MGAT4C: variants seen among roughly 807,000 people sequenced by gnomAD.
MGAT4C encodes the protein MGAT4 family member C.
Under a neutral mutation model 40.1 loss-of-function variants are expected in MGAT4C, and 19 were observed. That is an observed-to-expected ratio of 0.47 (90% CI 0.33 to 0.70). The LOEUF is 0.70. Among genes scored for constraint, MGAT4C ranks in the 30% least tolerant of loss-of-function variants. The pLI, the probability that MGAT4C is intolerant of heterozygous loss-of-function variation, is 0.02. For synonymous variants in MGAT4C, 181 were observed against 187.1 expected (o/e 0.97, Z 0.27); for missense variants, 491 against 563.2 (o/e 0.87, Z 1.30).
chr12:86,504,648 T>C (rs1401908060), intron 2 of MGAT4C, among the ~76,000 whole-genome samples: 1 of 152,178 alleles, frequency 6.6e-6, no homozygotes, highest in Non-Finnish European at 1.5e-5. Context: ...CAGCAAGGTA[T>C]GTTAGTTAAT....
At chr12:86,756,667 T>C (rs1350511536) in intron 1 of MGAT4C, among the ~76,000 whole-genome samples, 1 of 152,174 alleles carries the variant, frequency 6.6e-6, no homozygotes, top group Non-Finnish European at 1.5e-5. Context: ...TAATAACAGA[T>C]ACAAGAACTA....
At chr12:86,227,976 C>CT in intron 1 of MGAT4C, among the ~76,000 whole-genome samples, 1 of 151,786 alleles carries the variant, frequency 6.6e-6, no homozygotes, top group East Asian at 1.9e-4. Context: ...TCATGTACCT[C>CT]TTTTTTCAAG....
intron 1 of MGAT4C, among the ~76,000 whole-genome samples, chr12:86,795,952 G>A (rs1376719044): frequency 6.6e-6 from 1 of 151,968 alleles, no homozygotes; most frequent in African/African-American, 2.4e-5. Flanking sequence ...ATTAGAAAGA[G>A]AGCAACGTAA....
intron 2 of MGAT4C, among the ~76,000 whole-genome samples, chr12:85,996,648 T>C (rs1565833174): frequency 6.6e-6 from 1 of 152,134 alleles, no homozygotes; most frequent in Non-Finnish European, 1.5e-5. Flanking sequence ...GGTATATTAA[T>C]ATAATACAAA....
intron 2 of MGAT4C, among the ~76,000 whole-genome samples, chr12:86,678,317 C>T (rs77567143): frequency 0.011 from 1,602 of 152,146 alleles, 16 homozygotes; most frequent in East Asian, 0.038. Context: ...CATGTGATGG[C>T]TCAGTAGGCC....
rs558206459 is a variant in MGAT4C at position 86,517,616 on chromosome 12, TTTTA to T, written c.-228-82355_-228-82352del. 5.2e-3 allele frequency among the ~76,000 whole-genome samples: 787 copies of T among 151,886 alleles called. 4 individuals carry two copies. The highest frequency in any genetic ancestry group is 8.4e-3 in the Non-Finnish European group (571 of 67,922). On this transcript the variant is annotated intron_variant, in intron 2 of 7. Transcript: ENST00000548651. ...GTTTTGAGAGCAGAGCAAAGTGACT[TTTTA>T]TTTATTTATTTGTTTGTTTGTTTGT...
intron 1 of MGAT4C, among the ~76,000 whole-genome samples, chr12:86,241,953 G>C (rs918369018): frequency 2.0e-5 from 3 of 151,992 alleles, no homozygotes; most frequent in Admixed American, 6.6e-5. Context: ...GACTAGGGGA[G>C]GGGGGGAAAT....
In MGAT4C at chr12:86,107,560, T is replaced by C. The variant is rs373003572; in HGVS notation, c.-56-57837A>G. Among the ~76,000 whole-genome samples, 21 of 152,300 alleles carry C rather than the reference T, an allele frequency of 1.4e-4. No individual in the cohort carries two copies. The East Asian group carries it at 1.9e-3, about 14-fold the overall frequency. On this transcript the variant is annotated intron_variant, in intron 1 of 4. Transcript: ENST00000611864. ...ACAGTTGAAACAAAAGATGTCAATA[T>C]AAAAAGTTTTTTCTTAGGCTTTGTA...
At chr12:86,493,638 G>A (rs1304510318) in intron 2 of MGAT4C, among the ~76,000 whole-genome samples, 1 of 151,102 alleles carries the variant, frequency 6.6e-6, no homozygotes, top group Non-Finnish European at 1.5e-5. Context: ...CACACTCTGG[G>A]GACTGTCGTG....
intron 2 of MGAT4C, among the ~76,000 whole-genome samples, chr12:86,634,515 G>C (rs943975932): frequency 1.3e-5 from 2 of 152,080 alleles, no homozygotes; most frequent in Non-Finnish European, 2.9e-5. Context: ...GTTTCACAAG[G>C]CAATTGTTTT....
rs796290962 is a variant in MGAT4C, at chr12:86,110,281, C to CTA, written c.-56-60560_-56-60559dup. Among the ~76,000 whole-genome samples, 62 of 17,090 alleles carry CTA rather than the reference C, an allele frequency of 3.6e-3. 3 individuals carry two copies. The East Asian group carries it at 0.064, about 18-fold the overall frequency. 11.2% of individuals were successfully genotyped at this position (17,090 alleles called of 152,430 possible). A position where few individuals can be genotyped will look rare whatever the true frequency, so the allele number is the denominator to read the frequency against. ...TATATATATAGACTATATATATAGT[C>CTA]TATATATATATAGTCTCTCTATATA... On this transcript the variant is annotated intron_variant, in intron 1 of 4. Transcript: ENST00000611864.
chr12:86,506,487 T>A (rs1384843498), intron 2 of MGAT4C, among the ~76,000 whole-genome samples: 1 of 152,182 alleles, frequency 6.6e-6, no homozygotes, highest in East Asian at 1.9e-4. Flanking sequence ...ATTGAATGAT[T>A]TAAAATTTAC....
At chr12:86,784,722 CAA>C (rs1430866770) in intron 1 of MGAT4C, among the ~76,000 whole-genome samples, 2 of 150,760 alleles carry the variant, frequency 1.3e-5, no homozygotes, top group African/African-American at 4.9e-5. Context: ...CTGAAGGAAG[CAA>C]AGACTGATCA....
In MGAT4C at chr12:86,289,954, C is replaced by T. The variant is rs140272242; in HGVS notation, c.-57+44111G>A. Among the ~76,000 whole-genome samples the T allele has an allele frequency of 4.6e-5, 7 of 152,256 alleles. No homozygotes were observed. In the East Asian group the frequency reaches 1.3e-3, roughly 29 times the overall value. ...CACCCATAACCACTCTGTAGGTTAG[C>T]ATCCATGCTTTCTTTTTTCCTTAAA... On this transcript the variant is annotated intron_variant, in intron 4 of 7. Coordinates refer to the MGAT4C transcript ENST00000548651.
At chr12:86,078,169 G>T (rs1026936253) in intron 1 of MGAT4C, among the ~76,000 whole-genome samples, 6 of 152,074 alleles carry the variant, frequency 3.9e-5, no homozygotes, top group Non-Finnish European at 5.9e-5. Flanking sequence ...ATTATATATT[G>T]GATGCTGATT....
At chr12:86,328,680 C>G (rs911354172) in intron 4 of MGAT4C, among the ~76,000 whole-genome samples, 8 of 152,006 alleles carry the variant, frequency 5.3e-5, no homozygotes, top group Non-Finnish European at 7.4e-5. Flanking sequence ...AATATAAAGA[C>G]AAATATCATC....
At chr12:86,694,423 T>C (rs996611101) in intron 2 of MGAT4C, among the ~76,000 whole-genome samples, 3 of 152,184 alleles carry the variant, frequency 2.0e-5, no homozygotes, top group African/African-American at 7.2e-5. Context: ...ATCTTGACAT[T>C]AGAGAACCAG....
chr12:86,742,983 A>G (rs1325067541), intron 1 of MGAT4C, among the ~76,000 whole-genome samples: 1 of 149,406 alleles, frequency 6.7e-6, no homozygotes, highest in Non-Finnish European at 1.5e-5. Flanking sequence ...TTATGTATAT[A>G]TGTGTGTGTG....
intron 1 of MGAT4C, among the ~76,000 whole-genome samples, chr12:86,152,937 G>C (rs1395932545): frequency 6.6e-6 from 1 of 151,870 alleles, no homozygotes; most frequent in Non-Finnish European, 1.5e-5. Flanking sequence ...GTCTATCTGT[G>C]CTTTAATAAT....
Sources: gnomAD v4.1 joint callset for allele counts (sites outside exome capture counted in the v4.1 genomes callset) on GRCh38, gnomAD v4.1.1 for gene constraint, MANE v1.5 for transcripts, NCBI Gene and HGNC (gene_info 2026-07-23, HGNC 2026-07-21) for gene names.